The following CDH12 variants were observed in gnomAD, a reference collection of about 807,000 sequenced individuals.
The protein encoded by CDH12 is cadherin-12.
CDH12 carries 41 observed loss-of-function variants against 74.1 expected under a neutral mutation model. The ratio of observed to expected loss-of-function variants is 0.55; its 90% CI spans 0.43 to 0.72. The LOEUF is 0.72. Ranked by LOEUF, CDH12 falls within the 30% of genes least tolerant of loss-of-function variation. The pLI, the probability that CDH12 is intolerant of heterozygous loss-of-function variation, is 0.00. For missense variants in CDH12, 945 were observed against 977.2 expected (o/e 0.97, Z 0.44); for synonymous variants, 399 against 355.0 (o/e 1.12, Z -1.39).
intron 4 of CDH12, among the ~76,000 whole-genome samples, chr5:22,131,179 T>C (rs1746159731): frequency 6.6e-6 from 1 of 152,128 alleles, no homozygotes; most frequent in Admixed American, 6.6e-5. Context: ...TATAGATATG[T>C]CTAACTGTCA....
intron 1 of CDH12, among the ~76,000 whole-genome samples, chr5:22,577,367 CT>C (rs1050695422): frequency 2.6e-5 from 4 of 151,558 alleles, no homozygotes; most frequent in African/African-American, 7.3e-5. Context: ...ACATCCTTTT[CT>C]TTTTTTTTCT....
chr5:21,958,794 A>G (rs1330959900), intron 6 of CDH12, among the ~76,000 whole-genome samples: 2 of 152,252 alleles, frequency 1.3e-5, no homozygotes, highest in Non-Finnish European at 1.5e-5. Context: ...TTGGTTCCAC[A>G]TGAATTTTAA....
At chr5:22,730,486 T>C (rs1744378379) in intron 1 of CDH12, among the ~76,000 whole-genome samples, 1 of 151,886 alleles carries the variant, frequency 6.6e-6, no homozygotes, top group Admixed American at 6.6e-5. Context: ...TCAGCAGATA[T>C]CATTGCAGCT....
chr5:22,193,953 G>A (rs1188069444), intron 4 of CDH12, among the ~76,000 whole-genome samples: 1 of 152,076 alleles, frequency 6.6e-6, no homozygotes, highest in Non-Finnish European at 1.5e-5. Context: ...GGACTGCAAG[G>A]GAGAAAGGAA....
intron 1 of CDH12, among the ~76,000 whole-genome samples, chr5:22,590,155 A>C (rs1740630439): frequency 6.6e-6 from 1 of 152,156 alleles, no homozygotes; most frequent in Non-Finnish European, 1.5e-5. Flanking sequence ...CTAAATGATA[A>C]TTTGACTTAA....
chr5:22,368,466 ATTT>A (rs11445293), intron 3 of CDH12, among the ~76,000 whole-genome samples: 1 of 135,316 alleles, frequency 7.4e-6, no homozygotes, highest in Non-Finnish European at 1.6e-5. Context: ...AGTCTGGCTA[ATTT>A]TTTTTTTTTT....
intron 6 of CDH12, among the ~76,000 whole-genome samples, chr5:21,876,982 A>T (rs1751971927): frequency 6.6e-6 from 1 of 152,206 alleles, no homozygotes; most frequent in Non-Finnish European, 1.5e-5. Flanking sequence ...AGGGTGGATC[A>T]TGTGGAGACC....
At chr5:22,695,160 G>A (rs1742296132) in intron 1 of CDH12, among the ~76,000 whole-genome samples, 1 of 152,086 alleles carries the variant, frequency 6.6e-6, no homozygotes, top group Non-Finnish European at 1.5e-5. Context: ...CCCTGCAAAG[G>A]ACATGAACTC....
rs1031453887 is a variant in CDH12, at chr5:21,777,302, C to G, written c.1393+6056G>C. Among the ~76,000 whole-genome samples the G allele has an allele frequency of 1.6e-4, 24 of 152,064 alleles. 1 individual carries two copies. Among genetic ancestry groups the G allele is most frequent in the African/African-American group, 5.3e-4 (22 of 41,534 alleles). The stretch of plus-strand genomic sequence containing the variant: ...TACCACTGTTATGTACATAATATCA[C>G]ACACATATTTTTCTATTCTGAGTCT... On this transcript the variant is annotated intron_variant, in intron 11 of 14. Transcript: ENST00000382254.
intron 6 of CDH12, among the ~76,000 whole-genome samples, chr5:21,892,366 C>T (rs1470273473): frequency 2.0e-5 from 3 of 152,084 alleles, no homozygotes; most frequent in African/African-American, 7.2e-5. Flanking sequence ...TGGAATACAA[C>T]TTCCTTTAAA....
At chr5:22,769,743 A>C (rs1284648621) in intron 1 of CDH12, among the ~76,000 whole-genome samples, 2 of 152,008 alleles carry the variant, frequency 1.3e-5, no homozygotes, top group Non-Finnish European at 2.9e-5. Context: ...GATGGATATA[A>C]TGGGGGAGTG....
chr5:22,412,301 A>C (rs1190130202), intron 2 of CDH12, among the ~76,000 whole-genome samples: 1 of 151,966 alleles, frequency 6.6e-6, no homozygotes, highest in Non-Finnish European at 1.5e-5. Flanking sequence ...GCCTGTGTCC[A>C]TCTGCTATAA....
At chr5:21,982,470 T>TAC (rs1165375832) in intron 5 of CDH12, among the ~76,000 whole-genome samples, 5 of 151,730 alleles carry the variant, frequency 3.3e-5, no homozygotes, top group Non-Finnish European at 7.4e-5. Flanking sequence ...GATATATATA[T>TAC]ACCTATATAG....
At chr5:22,405,217 T>G (rs1462490813) in intron 3 of CDH12, 40 bp downstream of exon 3, 6 of 594,524 alleles carry the variant, frequency 1.0e-5, no homozygotes, top group Non-Finnish European at 1.3e-5. Flanking sequence ...TTAAAAAAAA[T>G]AAAAAATAAA....
At chr5:22,456,586 T>C (rs1259619688) in intron 2 of CDH12, among the ~76,000 whole-genome samples, 3 of 152,074 alleles carry the variant, frequency 2.0e-5, no homozygotes, top group African/African-American at 7.2e-5. Flanking sequence ...AAACTATTGA[T>C]TTGTAAGTAC....
intron 3 of CDH12, among the ~76,000 whole-genome samples, chr5:22,384,525 C>CA (rs754149045): frequency 0.078 from 5,341 of 68,604 alleles, 362 homozygotes; most frequent in African/African-American, 0.17. Context: ...AACTCCGTCT[C>CA]AAAAAAAAAA....
At chr5:21,860,448 T>G (rs544875073) in intron 6 of CDH12, among the ~76,000 whole-genome samples, 1 of 152,174 alleles carries the variant, frequency 6.6e-6, no homozygotes, top group South Asian at 2.1e-4. Flanking sequence ...GGACTTGTGA[T>G]GGTTAATATA....
At chr5:22,015,686 T>C (rs1253321047) in intron 5 of CDH12, among the ~76,000 whole-genome samples, 4 of 152,172 alleles carry the variant, frequency 2.6e-5, no homozygotes, top group African/African-American at 9.6e-5. Context: ...CATGGCTTTA[T>C]AGAGTCCCAG....
At chr5:22,597,111 A>G (rs1402337082) in intron 1 of CDH12, among the ~76,000 whole-genome samples, 1 of 152,148 alleles carries the variant, frequency 6.6e-6, no homozygotes, top group Non-Finnish European at 1.5e-5. Flanking sequence ...CACCCAATTA[A>G]TCAAGTTCAG....
Sources: gnomAD v4.1 joint callset for allele counts (sites outside exome capture counted in the v4.1 genomes callset) on GRCh38, gnomAD v4.1.1 for gene constraint, MANE v1.5 for transcripts, NCBI Gene and HGNC (gene_info 2026-07-23, HGNC 2026-07-21) for gene names.